Variants in PIM1 observed in about 807,000 individuals in gnomAD.
The protein encoded by PIM1 is Pim-1 proto-oncogene, serine/threonine kinase.
Under a neutral mutation model 34.5 loss-of-function variants are expected in PIM1, and 9 were observed. The ratio of observed to expected loss-of-function variants is 0.26; its 90% CI spans 0.16 to 0.46. PIM1 has a LOEUF of 0.46. Ranked by LOEUF, PIM1 falls within the 20% of genes least tolerant of loss-of-function variation. PIM1 has a pLI of 1.00. For missense variants in PIM1, 274 were observed against 410.9 expected, an observed-to-expected ratio of 0.67 and a Z score of 2.88; for synonymous variants, 199 against 175.2, an observed-to-expected ratio of 1.14 and a Z score of -1.07.
In PIM1 at chr6:37,171,627, A is replaced by T. The variant is rs553344107; in HGVS notation, c.607+136A>T. The T allele has an allele frequency of 2.1e-5, 23 of 1,077,776 alleles. No homozygotes were observed. In the East Asian group the frequency reaches 6.0e-4, roughly 28 times the overall value. 66.8% of individuals were successfully genotyped at this position (1,077,776 alleles called of 1,614,324 possible). A position where few individuals can be genotyped will look rare whatever the true frequency, so the allele number is the denominator to read the frequency against. On this transcript the variant is annotated intron_variant, in intron 4 of 5. Transcript: ENST00000373509. ...CTGGCTCGATGCTAGCCGGGGTGGG[A>T]CGCAGGAGAGCCTCCCAGCGTAGTA... is the stretch of plus-strand genomic sequence containing the variant.
In PIM1 at chr6:37,174,144, A is replaced by T; in HGVS notation, c.*53A>T. ...CTTGTCAGATGCCCGAGGGAGGGGA[A>T]GCTTCTGTCTCCAGCTTCCCGAGTA... On this transcript the variant is annotated 3_prime_UTR_variant, in exon 6 of 6. Transcript: ENST00000373509. The T allele has an allele frequency of 6.4e-7, 1 of 1,552,496 alleles. No individual in the cohort carries two copies. Among genetic ancestry groups the T allele is most frequent in the Non-Finnish European group, 8.8e-7 (1 of 1,141,336 alleles).
rs1470830982 is a variant in PIM1 at position 37,175,127 on chromosome 6, G to T, written c.*1036G>T. On this transcript the variant is annotated 3_prime_UTR_variant, in exon 6 of 6. Transcript: ENST00000373509. ...GCTGCGACGCTTGCTCTGTTTGTGG[G>T]GTGACGGGACTCAGGCGGGACAGTG... 4.3e-6 allele frequency: 1 copy of T among 233,440 alleles called. No individual in the cohort carries two copies. The highest frequency in any genetic ancestry group is 8.5e-6 in the Non-Finnish European group (1 of 118,118). 14.5% of individuals were successfully genotyped at this position (233,440 alleles called of 1,614,324 possible). A position where few individuals can be genotyped will look rare whatever the true frequency, so the allele number is the denominator to read the frequency against.
chr6:37,175,248 A>G lies in PIM1; in HGVS notation c.*1157A>G, dbSNP rs969331064. On this transcript the variant is annotated 3_prime_UTR_variant, in exon 6 of 6. Transcript: ENST00000373509. ...GGGAGGGGCATTGCTGACTGTGTAT[A>G]TAGGATAATTATGAAAAGCAGTTCT... 8.6e-6 allele frequency: 2 copies of G among 233,524 alleles called. No individual in the cohort carries two copies. Among genetic ancestry groups the G allele is most frequent in the Non-Finnish European group, 8.5e-6 (1 of 118,072 alleles). The allele number at this position is 233,524 out of a possible 1,614,324, so 14.5% of individuals were successfully genotyped here.
intron 4 of PIM1, chr6:37,172,634 T>G: frequency 2.1e-6 from 1 of 475,470 alleles, no homozygotes. Flanking sequence ...TTAAGGATAG[T>G]CTATGAGATA....
rs747616420 is a variant in PIM1, at chr6:37,170,624, T to C, written c.49T>C (p.Cys17Arg). The change falls in exon 1 of 6, where the codon TGC (cysteine) becomes CGC (arginine). Residue 17 changes from cysteine to arginine, a missense_variant. Cys to Arg is a radical substitution (Grantham distance 180). Around this residue, in one of 2 missense-constraint regions of PIM1, gnomAD observed 106 missense variants for 111.5 expected, o/e 0.95. Transcript: ENST00000373509. The stretch of plus-strand genomic sequence containing the variant: ...GCTTGCCCACCTGCGCGCCGCGCCC[T>C]GCAACGACCTGCACGCCACCAAGCT... The part of the protein sequence containing the change: ...NSLAHLRAAP[C>R]NDLHATKLAP... The C allele has an allele frequency of 6.2e-7, 1 of 1,612,712 alleles. No homozygotes were observed. Among genetic ancestry groups the C allele is most frequent in the Non-Finnish European group, 8.5e-7 (1 of 1,179,508 alleles).
intron 5 of PIM1, among the ~76,000 whole-genome samples, 171 bp from the exon 6 acceptor site, chr6:37,173,763 G>T (rs551018198): frequency 7.2e-5 from 11 of 152,334 alleles, no homozygotes; most frequent in African/African-American, 2.6e-4. Flanking sequence ...GGAGGACCCA[G>T]ATATTAGTCA....
At position 37,172,820 on chromosome 6, in the gene PIM1, A is replaced by T. The variant is rs907450123; in HGVS notation, c.608-176A>T. ...GTGGGTAATGCTTTGGGTTGGAGAGATGCCGTAAGGTGCGCCTCCACTCTC... is the reference window on the plus strand; with the variant it reads ...GTGGGTAATGCTTTGGGTTGGAGAGTTGCCGTAAGGTGCGCCTCCACTCTC... On this transcript the variant is annotated intron_variant, in intron 4 of 5. Transcript: ENST00000373509. The T allele has an allele frequency of 4.3e-6, 3 of 702,048 alleles. No individual in the cohort carries two copies. In the African/African-American group the frequency reaches 5.2e-5, roughly 12 times the overall value. 43.5% of individuals were successfully genotyped at this position (702,048 alleles called of 1,614,324 possible).
Position 37,170,892 on chromosome 6 carries a change from C to G in PIM1, c.189+13C>G. On this transcript the variant is annotated intron_variant, in intron 2 of 5. Transcript: ENST00000373509. ...CGACAACTTGCCGGTGAGTGGGCGC[C>G]CCGCGGTGGGGAGGGCGCGCCGGGC... The G allele has an allele frequency of 1.2e-6, 2 of 1,612,210 alleles. No homozygotes were observed. The highest frequency in any genetic ancestry group is 1.7e-6 in the Non-Finnish European group (2 of 1,179,078).
At position 37,170,537 on chromosome 6, in the gene PIM1, T is replaced by C; in HGVS notation, c.-39T>C. 6.2e-7 allele frequency: 1 copy of C among 1,610,870 alleles called. No homozygotes were observed. Among genetic ancestry groups the C allele is most frequent in the Non-Finnish European group, 8.5e-7 (1 of 1,179,356 alleles). On this transcript the variant is annotated 5_prime_UTR_variant, in exon 1 of 6. Coordinates refer to ENST00000373509, the MANE Select transcript of PIM1 (RefSeq NM_002648.4). ...CGGCTCCGGCTCCTGCGGCAGCTCC[T>C]CTGGGCACCGTCCCTGCGCCGACAT...
At chr6:37,171,854 G>A (rs544713473) in intron 4 of PIM1, among the ~76,000 whole-genome samples, 2 of 152,158 alleles carry the variant, frequency 1.3e-5, no homozygotes, top group Non-Finnish European at 1.5e-5. Context: ...AATTGATGCC[G>A]GTTTTGTAAT....
In PIM1 at chr6:37,170,390, C is replaced by T; in HGVS notation, c.-186C>T. ...CGCGCCCTCCCGCCGCCAGTCCCGG[C>T]AGCGCCCTCAGTTGTCCTCCGACTC... On this transcript the variant is annotated 5_prime_UTR_variant, in exon 1 of 6. Coordinates refer to ENST00000373509, the MANE Select transcript of PIM1 (RefSeq NM_002648.4). 1 of 1,526,790 alleles carries T rather than the reference C, an allele frequency of 6.5e-7. No individual in the cohort carries two copies. The highest frequency in any genetic ancestry group is 8.7e-7 in the Non-Finnish European group (1 of 1,142,948). 94.6% of individuals were successfully genotyped at this position (1,526,790 alleles called of 1,614,324 possible).
At chr6:37,173,507 A>G (rs528564523) in intron 5 of PIM1, among the ~76,000 whole-genome samples, 1 of 152,358 alleles carries the variant, frequency 6.6e-6, no homozygotes, top group South Asian at 2.1e-4. Flanking sequence ...AAGCTCTTTT[A>G]GCATCTTCTT....
rs774249553 is a variant in PIM1 at position 37,170,496 on chromosome 6, G to C, written c.-80G>C. 11 of 1,594,594 alleles carry C rather than the reference G, an allele frequency of 6.9e-6. No homozygotes were observed. The highest frequency in any genetic ancestry group is 1.7e-4 in the Middle Eastern group (1 of 6,046). On this transcript the variant is annotated 5_prime_UTR_variant, in exon 1 of 6. Transcript: ENST00000373509. ...AGCCACAGCCACAGCCCCAGGCATA[G>C]CCTTCGGCACAGCCCCGGCTCCGGC...
chr6:37,170,451 G>A lies in PIM1; in HGVS notation c.-125G>A. On this transcript the variant is annotated 5_prime_UTR_variant, in exon 1 of 6. Transcript: ENST00000373509. Reference sequence around the variant, plus strand: ...TTCCGCGCCAGCCGCAGCCACAGCCGCAACGCCACCCGCAGCCACAGCCAC... The same window carrying A: ...TTCCGCGCCAGCCGCAGCCACAGCCACAACGCCACCCGCAGCCACAGCCAC... 1.3e-6 allele frequency: 2 copies of A among 1,547,600 alleles called. No homozygotes were observed. The highest frequency in any genetic ancestry group is 1.7e-6 in the Non-Finnish European group (2 of 1,152,652).
chr6:37,170,763 C>T lies in PIM1; in HGVS notation c.83-10C>T, dbSNP rs1762262861. Reference sequence around the variant, plus strand: ...CCGGCACTGAGTCCCCGTGCTTCCCCCTTTCCTAGGCAAGGAGAAGGAGCC... The same window carrying T: ...CCGGCACTGAGTCCCCGTGCTTCCCTCTTTCCTAGGCAAGGAGAAGGAGCC... On this transcript the variant is annotated splice_polypyrimidine_tract_variant and intron_variant, in intron 1 of 5. Coordinates refer to ENST00000373509, the MANE Select transcript of PIM1 (RefSeq NM_002648.4). 6.2e-7 allele frequency: 1 copy of T among 1,612,004 alleles called. No homozygotes were observed. Among genetic ancestry groups the T allele is most frequent in the Non-Finnish European group, 8.5e-7 (1 of 1,179,486 alleles).
chr6:37,174,117 CT>C lies in PIM1; in HGVS notation c.*27del. On this transcript the variant is annotated 3_prime_UTR_variant, in exon 6 of 6. Transcript: ENST00000373509. ...CAGCCTTTCTGGCAGGTCCTCCCCT[CT>C]CTTGTCAGATGCCCGAGGGAGGGGA... 1 of 1,598,832 alleles carries C rather than the reference CT, an allele frequency of 6.3e-7. No individual in the cohort carries two copies. The highest frequency in any genetic ancestry group is 8.5e-7 in the Non-Finnish European group (1 of 1,173,108).
At chr6:37,171,662 A>T (rs1046212668) in intron 4 of PIM1, among the ~76,000 whole-genome samples, 171 bp downstream of exon 4, 2 of 152,172 alleles carry the variant, frequency 1.3e-5, no homozygotes, top group African/African-American at 4.8e-5. Context: ...AAAGCCGGGG[A>T]TTTTCAGCCA....
Position 37,170,756 on chromosome 6 carries a change from G to C in PIM1, c.83-17G>C. On this transcript the variant is annotated splice_polypyrimidine_tract_variant and intron_variant, in intron 1 of 5. Transcript: ENST00000373509. ...TCGCGGGCCGGCACTGAGTCCCCGT[G>C]CTTCCCCCTTTCCTAGGCAAGGAGA... 1 of 1,611,296 alleles carries C rather than the reference G, an allele frequency of 6.2e-7. No homozygotes were observed. Among genetic ancestry groups the C allele is most frequent in the Non-Finnish European group, 8.5e-7 (1 of 1,179,282 alleles).
At chr6:37,173,903 T>C (rs1583399819) in intron 5 of PIM1, 31 bp from the exon 6 acceptor site, 1 of 1,591,952 alleles carries the variant, frequency 6.3e-7, no homozygotes, top group East Asian at 2.2e-5. Flanking sequence ...AGTTGAGTCA[T>C]TCATAACCTC....
Sources: allele counts gnomAD v4.1 joint callset (sites outside exome capture counted in the v4.1 genomes callset), GRCh38; gene constraint gnomAD v4.1.1; regional missense constraint gnomAD v4.1.1; transcripts MANE v1.5; gene names NCBI Gene and HGNC (gene_info 2026-07-23, HGNC 2026-07-21).